The following ADGRL3 variants were observed in gnomAD, a reference collection of about 807,000 sequenced individuals.
The protein encoded by ADGRL3 is calcium-independent alpha-latrotoxin receptor 3.
ADGRL3 carries 62 observed loss-of-function variants against 153.5 expected under a neutral mutation model. That is an observed-to-expected ratio of 0.40 (90% confidence interval 0.33 to 0.50). The LOEUF (loss-of-function observed/expected upper bound fraction) is 0.50. ADGRL3 is among the 20% of genes least tolerant of loss of function. The pLI is 0.47. For synonymous variants in ADGRL3, 710 were observed against 672.5 expected (o/e 1.06, Z -0.86); for missense variants, 1,641 against 1,859.4 (o/e 0.88, Z 2.16).
intron 6 of ADGRL3, among the ~76,000 whole-genome samples, chr4:61,714,235 A>ACACACACACACACACACACACACACAC (rs1561110398): frequency 6.6e-6 from 1 of 152,000 alleles, no homozygotes; most frequent in African/African-American, 2.4e-5. Context: ...ACACACACAC[A>ACACACACACACACACACACACACACAC]ATTAAAAATA....
intron 2 of ADGRL3, among the ~76,000 whole-genome samples, chr4:61,456,467 ATATCTATATC>A (rs2097755124): frequency 7.9e-6 from 1 of 125,958 alleles, no homozygotes; most frequent in Non-Finnish European, 1.6e-5. Flanking sequence ...ATATATAGAT[ATATCTATATC>A]TATATATATA....
chr4:61,252,161 G>A (rs1474866009), intron 1 of ADGRL3, among the ~76,000 whole-genome samples: 2 of 152,072 alleles, frequency 1.3e-5, no homozygotes, highest in African/African-American at 4.8e-5. Flanking sequence ...GGGATTACAG[G>A]CATGAGCCAC....
intron 1 of ADGRL3, among the ~76,000 whole-genome samples, chr4:61,349,109 G>T (rs2095988798): frequency 6.6e-6 from 1 of 151,930 alleles, no homozygotes; most frequent in Admixed American, 6.6e-5. Context: ...AGCTATTGTT[G>T]AATAAGCAAA....
intron 9 of ADGRL3, among the ~76,000 whole-genome samples, chr4:61,816,297 C>T (rs541285082): frequency 3.3e-5 from 5 of 152,142 alleles, no homozygotes; most frequent in Admixed American, 3.3e-4. Flanking sequence ...ACTGAATTAG[C>T]TGGGGCTGAA....
At chr4:62,018,163 G>A (rs562657411) in intron 21 of ADGRL3, among the ~76,000 whole-genome samples, 17 of 152,132 alleles carry the variant, frequency 1.1e-4, no homozygotes, top group Non-Finnish European at 2.4e-4. Context: ...TAACCTGGTA[G>A]GTGCTAGATC....
At chr4:61,716,410 C>G (rs928513738) in intron 6 of ADGRL3, among the ~76,000 whole-genome samples, 2 of 152,116 alleles carry the variant, frequency 1.3e-5, no homozygotes, top group African/African-American at 4.8e-5. Flanking sequence ...CTCTCTTCTG[C>G]CTTCTTGAAG....
At chr4:61,535,862 T>A (rs1209850797) in intron 4 of ADGRL3, among the ~76,000 whole-genome samples, 1 of 152,074 alleles carries the variant, frequency 6.6e-6, no homozygotes, top group Non-Finnish European at 1.5e-5. Flanking sequence ...ATTTTTTACT[T>A]CATTTATTCT....
intron 1 of ADGRL3, among the ~76,000 whole-genome samples, chr4:61,256,554 T>TG (rs1195834201): frequency 1.3e-5 from 2 of 152,166 alleles, no homozygotes; most frequent in Non-Finnish European, 1.5e-5. Context: ...TCCTTCAAGA[T>TG]AAATTTTCGG....
intron 1 of ADGRL3, among the ~76,000 whole-genome samples, chr4:61,358,623 C>CAGA (rs1277098668): frequency 7.7e-6 from 1 of 129,728 alleles, no homozygotes; most frequent in East Asian, 2.5e-4. Context: ...AAAAAGAAAG[C>CAGA]AGACCATTGA....
At chr4:61,824,901 T>C (rs1237240608) in intron 9 of ADGRL3, among the ~76,000 whole-genome samples, 1 of 152,212 alleles carries the variant, frequency 6.6e-6, no homozygotes, top group African/African-American at 2.4e-5. Context: ...ATCTTCTTTT[T>C]TGAGATCTTT....
chr4:62,054,301 A>G (rs1038053179), intron 25 of ADGRL3, among the ~76,000 whole-genome samples: 2 of 151,646 alleles, frequency 1.3e-5, no homozygotes, highest in Non-Finnish European at 3.0e-5. Context: ...TTTAGAGATT[A>G]ATAAATTACT....
At chr4:62,052,027 G>A (rs28540164) in intron 25 of ADGRL3, among the ~76,000 whole-genome samples, 3,996 of 151,546 alleles carry the variant, frequency 0.026, 185 homozygotes, top group African/African-American at 0.093. Flanking sequence ...CTCCTTTAGT[G>A]TGTGTGTAGT....
intron 19 of ADGRL3, among the ~76,000 whole-genome samples, chr4:61,985,929 A>C (rs1438453916): frequency 2.0e-5 from 3 of 149,528 alleles, no homozygotes; most frequent in Non-Finnish European, 4.5e-5. Flanking sequence ...ACAAAAAAAC[A>C]CGTTATCTGA....
At chr4:61,523,611 G>A (rs942046409) in intron 4 of ADGRL3, among the ~76,000 whole-genome samples, 2 of 152,012 alleles carry the variant, frequency 1.3e-5, no homozygotes, top group Admixed American at 1.3e-4. Flanking sequence ...AGGCCTCTAG[G>A]GAAATAGGTC....
chr4:61,425,116 T>C (rs1462584514), intron 2 of ADGRL3, among the ~76,000 whole-genome samples: 2 of 152,100 alleles, frequency 1.3e-5, no homozygotes, highest in Non-Finnish European at 2.9e-5. Flanking sequence ...GTGATATATG[T>C]TATATTTGTG....
At chr4:61,280,599 C>T (rs1036744777) in intron 1 of ADGRL3, among the ~76,000 whole-genome samples, 1 of 151,966 alleles carries the variant, frequency 6.6e-6, no homozygotes, top group South Asian at 2.1e-4. Flanking sequence ...TTTGTATTGT[C>T]TGAAATTATT....
At chr4:61,350,869 A>C (rs1171066497) in intron 1 of ADGRL3, among the ~76,000 whole-genome samples, 2 of 152,034 alleles carry the variant, frequency 1.3e-5, no homozygotes, top group Non-Finnish European at 2.9e-5. Flanking sequence ...AAACACAACA[A>C]TTTTTAAATT....
intron 1 of ADGRL3, among the ~76,000 whole-genome samples, chr4:61,271,389 A>G (rs2093170901): frequency 6.6e-6 from 1 of 151,934 alleles, no homozygotes; most frequent in African/African-American, 2.4e-5. Flanking sequence ...TTTTGTTAAG[A>G]TTTCTTAGTA....
chr4:61,299,870 A>G (rs2150327181), intron 1 of ADGRL3, among the ~76,000 whole-genome samples: 1 of 152,242 alleles, frequency 6.6e-6, no homozygotes, highest in South Asian at 2.1e-4. Flanking sequence ...TTACCAAGAA[A>G]ATTTAACTTT....
Sources: allele counts gnomAD v4.1 joint callset (sites outside exome capture counted in the v4.1 genomes callset), GRCh38; gene constraint gnomAD v4.1.1; transcripts MANE v1.5; gene names NCBI Gene and HGNC (gene_info 2026-07-23, HGNC 2026-07-21).